RSU1: variants seen among roughly 807,000 people sequenced by gnomAD.
The protein encoded by RSU1 is Ras suppressor protein 1, also known as rsu-1.
RSU1 carries 26 observed loss-of-function variants against 31.1 expected under a neutral mutation model. The ratio of observed to expected loss-of-function variants is 0.84; its 90% CI spans 0.61 to 1.16. The LOEUF (loss-of-function observed/expected upper bound fraction) is 1.16, where lower values mean the gene tolerates loss of function less well. Among genes scored for constraint, RSU1 ranks in the 50% most tolerant of loss-of-function variants. The probability of loss-of-function intolerance (pLI) is 0.00; values close to 1 mark genes in which losing one functional copy is unlikely to be tolerated. For missense variants in RSU1, 320 were observed against 339.1 expected (o/e 0.94, Z 0.44); for synonymous variants, 164 against 136.3 (o/e 1.20, Z -1.41).
At chr10:16,718,595 G>C (rs953459951) in intron 7 of RSU1, among the ~76,000 whole-genome samples, 1 of 151,572 alleles carries the variant, frequency 6.6e-6, no homozygotes, top group East Asian at 1.9e-4. Context: ...GCACATCTTA[G>C]GAGAAACAAA....
chr10:16,779,312 A>C (rs999664179), intron 3 of RSU1, among the ~76,000 whole-genome samples: 1 of 152,206 alleles, frequency 6.6e-6, no homozygotes, highest in African/African-American at 2.4e-5. Flanking sequence ...CTGCTCCCAG[A>C]TTCTTGAGGA....
intron 8 of RSU1, among the ~76,000 whole-genome samples, chr10:16,609,108 G>A (rs1833852845): frequency 6.6e-6 from 1 of 152,164 alleles, no homozygotes; most frequent in Non-Finnish European, 1.5e-5. Context: ...CTCCTCCTCA[G>A]ACCTTCTGGG....
chr10:16,632,186 A>G (rs1424161565), intron 8 of RSU1, among the ~76,000 whole-genome samples: 1 of 152,206 alleles, frequency 6.6e-6, no homozygotes, highest in Non-Finnish European at 1.5e-5. Flanking sequence ...TTTTTCAAAA[A>G]AAATATTTTT....
chr10:16,752,865 T>C, intron 6 of RSU1, 53 bp downstream of exon 6: 2 of 1,499,670 alleles, frequency 1.3e-6, no homozygotes, highest in Non-Finnish European at 1.9e-6. Context: ...ATTCTACCCC[T>C]ACAAGGCTGC....
chr10:16,737,074 T>G (rs1789153748), intron 7 of RSU1, among the ~76,000 whole-genome samples: 1 of 151,328 alleles, frequency 6.6e-6, no homozygotes, highest in Non-Finnish European at 1.5e-5. Flanking sequence ...AGATAAAAAG[T>G]TTTGTATAAG....
At chr10:16,753,119 A>G (rs1837013841) in intron 5 of RSU1, 119 bp from the exon 6 acceptor site, 1 of 683,482 alleles carries the variant, frequency 1.5e-6, no homozygotes, top group Non-Finnish European at 2.6e-6. Context: ...AGCCTTTGAC[A>G]TACCTAGGGC....
intron 4 of RSU1, among the ~76,000 whole-genome samples, chr10:16,757,311 C>G (rs1837116019): frequency 6.6e-6 from 1 of 152,024 alleles, no homozygotes; most frequent in African/African-American, 2.4e-5. Context: ...CAATAAAAAT[C>G]ATTCTAGCCA....
At chr10:16,644,744 G>A (rs1834505235) in intron 8 of RSU1, among the ~76,000 whole-genome samples, 1 of 152,180 alleles carries the variant, frequency 6.6e-6, no homozygotes, top group Admixed American at 6.5e-5. Flanking sequence ...ATTCATAGCA[G>A]GAGGAAGTAA....
rs186643931 is a variant in RSU1 at position 16,784,746 on chromosome 10, G to A, written c.110-2662C>T. On this transcript the variant is annotated intron_variant, in intron 2 of 8. Coordinates refer to ENST00000345264, the MANE Select transcript of RSU1 (RefSeq NM_012425.4). ...GGAACTCCCCTTCATAAAACCATTC[G>A]ATCTCGTGAGACTTATTCACTATAA... 3.2e-3 allele frequency among the ~76,000 whole-genome samples: 482 copies of A among 152,218 alleles called. 4 individuals are homozygous for A. Among genetic ancestry groups the A allele is most frequent in the Non-Finnish European group, 5.5e-3 (371 of 68,018 alleles).
intron 8 of RSU1, among the ~76,000 whole-genome samples, chr10:16,663,901 G>A (rs910587382): frequency 2.8e-4 from 43 of 152,282 alleles, no homozygotes; most frequent in Admixed American, 5.2e-4. Context: ...CCAGGAGCAG[G>A]TAGTGCCTCT....
chr10:16,637,528 T>G (rs936344363), intron 8 of RSU1, among the ~76,000 whole-genome samples: 1 of 152,052 alleles, frequency 6.6e-6, no homozygotes, highest in South Asian at 2.1e-4. Context: ...GGCCATGATG[T>G]GTGATACTGG....
chr10:16,684,109 G>A (rs1460498314), intron 8 of RSU1, among the ~76,000 whole-genome samples: 3 of 152,160 alleles, frequency 2.0e-5, no homozygotes, highest in Admixed American at 6.5e-5. Context: ...CTCAGGATTG[G>A]GAGGGTGGTG....
chr10:16,740,927 A>G (rs1483530618), intron 7 of RSU1, among the ~76,000 whole-genome samples: 1 of 152,194 alleles, frequency 6.6e-6, no homozygotes, highest in Non-Finnish European at 1.5e-5. Context: ...CTACCAAAAC[A>G]CAAGTTGGCT....
At chr10:16,815,215 G>C (rs1324715447) in intron 2 of RSU1, among the ~76,000 whole-genome samples, 1 of 152,218 alleles carries the variant, frequency 6.6e-6, no homozygotes, top group East Asian at 1.9e-4. Flanking sequence ...CGGAATGCAA[G>C]AGACCAACAC....
intron 8 of RSU1, among the ~76,000 whole-genome samples, chr10:16,691,698 C>G (rs1381407194): frequency 6.7e-6 from 1 of 148,492 alleles, no homozygotes; most frequent in Non-Finnish European, 1.5e-5. Context: ...AATGGCTCTC[C>G]GGTGCTTACT....
At chr10:16,712,721 T>C (rs1177808456) in intron 7 of RSU1, among the ~76,000 whole-genome samples, 2 of 152,224 alleles carry the variant, frequency 1.3e-5, no homozygotes, top group South Asian at 2.1e-4. Flanking sequence ...TAAGTCTTCA[T>C]ACTAGAGGAT....
chr10:16,764,663 G>GT (rs903175822), intron 3 of RSU1, among the ~76,000 whole-genome samples, 153 bp from the exon 4 acceptor site: 12 of 152,132 alleles, frequency 7.9e-5, no homozygotes, highest in Admixed American at 7.9e-4. Flanking sequence ...TTTTTTACAG[G>GT]TTTTTCATAA....
intron 7 of RSU1, among the ~76,000 whole-genome samples, chr10:16,708,666 T>G (rs1835955023): frequency 1.3e-5 from 2 of 152,198 alleles, no homozygotes; most frequent in Admixed American, 1.3e-4. Context: ...TAGATTATTT[T>G]AGGTAATATG....
At chr10:16,722,457 AGAG>A (rs1163653209) in intron 7 of RSU1, among the ~76,000 whole-genome samples, 4 of 152,180 alleles carry the variant, frequency 2.6e-5, no homozygotes, top group South Asian at 2.1e-4. Context: ...ACAGAATTCA[AGAG>A]GAGTGGAGGA....
Sources: gnomAD v4.1 joint callset for allele counts (sites outside exome capture counted in the v4.1 genomes callset) on GRCh38, gnomAD v4.1.1 for gene constraint, MANE v1.5 for transcripts, NCBI Gene and HGNC (gene_info 2026-07-23, HGNC 2026-07-21) for gene names.